SARDH: variants seen among roughly 807,000 people sequenced by gnomAD.
SARDH encodes sarcosine dehydrogenase, mitochondrial.
A neutral mutation model predicts 109.1 loss-of-function variants in SARDH; 95 were observed. The observed-to-expected ratio is 0.87, with a 90% CI of 0.74 to 1.03. The LOEUF is 1.03. SARDH is among the 50% of genes least tolerant of loss of function. The pLI is 0.00. For synonymous variants in SARDH, 572 were observed against 534.8 expected, an observed-to-expected ratio of 1.07 and a Z score of -0.96; for missense variants, 1,267 against 1,287.8, an observed-to-expected ratio of 0.98 and a Z score of 0.25.
chr9:133,662,978 G>A (rs944872556), downstream of SARDH, among the ~76,000 whole-genome samples: 14 of 152,212 alleles, frequency 9.2e-5, no homozygotes, highest in Non-Finnish European at 1.9e-4. This position sits in a 1 kb window ranked among gnomAD's most constrained non-coding sequence, Gnocchi z 5.1. Context: ...GGTGGGCAGA[G>A]GAGCCACCCC....
chr9:133,712,683 G>T lies in SARDH; in HGVS notation c.1264C>A (p.Gln422Lys). The T allele has an allele frequency of 6.2e-7, 1 of 1,609,998 alleles. No homozygotes were observed. The change falls in exon 10 of 21, where the codon CAG becomes AAG. Residue 422 changes from glutamine to lysine, a missense_variant. By Grantham distance (53) the Gln-to-Lys change is moderately conservative. Transcript: ENST00000439388. The surrounding 1 kb of genome is among the most constrained non-coding windows in gnomAD (Gnocchi z 4.1). The stretch of plus-strand genomic sequence containing the variant: ...TGGATGATCCAGTGGGCCAGCTCCT[G>T]CCCACAGCCACCACCCAGCATCATT... The part of the protein sequence containing the change: ...AGMMLGGGCG[Q>K]ELAHWIIHGR...
At chr9:133,706,815 A>G (rs1831711209) in intron 11 of SARDH, among the ~76,000 whole-genome samples, 1 of 152,134 alleles carries the variant, frequency 6.6e-6, no homozygotes, top group African/African-American at 2.4e-5. Flanking sequence ...ATCTGGTTCC[A>G]GATGGCCCGC....
At position 133,674,812 on chromosome 9, in the gene SARDH, A is replaced by G. The variant is rs183049798; in HGVS notation, c.2164-3115T>C. Among the ~76,000 whole-genome samples, 449 of 152,350 alleles carry G rather than the reference A, an allele frequency of 2.9e-3. 4 individuals carry two copies. The highest frequency in any genetic ancestry group is 9.9e-3 in the African/African-American group (412 of 41,578). On this transcript the variant is annotated intron_variant, in intron 17 of 20. Coordinates refer to ENST00000439388, the MANE Select transcript of SARDH (RefSeq NM_001134707.2). ...TGGAAGAAGGCATGGGGAGTTGGAAATGGCAAGGGTTTCCTGGAGAGGACA... is the reference window on the plus strand; with the variant it reads ...TGGAAGAAGGCATGGGGAGTTGGAAGTGGCAAGGGTTTCCTGGAGAGGACA...
chr9:133,684,103 A>G (rs1205652128), intron 17 of SARDH, among the ~76,000 whole-genome samples: 3 of 152,246 alleles, frequency 2.0e-5, no homozygotes, highest in Non-Finnish European at 4.4e-5. Context: ...TACATGGCTT[A>G]CAGCCCTGCA....
chr9:133,685,510 G>T (rs185621663), intron 16 of SARDH, among the ~76,000 whole-genome samples: 36 of 152,332 alleles, frequency 2.4e-4, no homozygotes, highest in Admixed American at 7.8e-4. Context: ...AGGACCCCTG[G>T]GGGAGGCCAG....
At chr9:133,660,114 T>C (rs138709187), downstream of SARDH, among the ~76,000 whole-genome samples, 22 of 144,254 alleles carry the variant, frequency 1.5e-4, no homozygotes, top group Admixed American at 5.5e-4. Flanking sequence ...CTCTTCCTCT[T>C]GCAGAGACAG....
rs1373991112 is a variant in SARDH, at chr9:133,694,386, A to G, written c.1808-15T>C. ...CACGGTGGAGCCTGCGAGAGGGAGA[A>G]GGAAGCCGGGTCTGTGCTGAGGCCC... On this transcript the variant is annotated splice_polypyrimidine_tract_variant and intron_variant, in intron 14 of 20. Transcript: ENST00000439388. The G allele has an allele frequency of 1.3e-6, 2 of 1,546,392 alleles. No homozygotes were observed. The highest frequency in any genetic ancestry group is 4.9e-5 in the East Asian group (2 of 40,888).
chr9:133,716,091 C>T (rs1181701520), intron 8 of SARDH, among the ~76,000 whole-genome samples: 2 of 152,200 alleles, frequency 1.3e-5, no homozygotes, highest in African/African-American at 4.8e-5. Flanking sequence ...CACGTATCCG[C>T]GGCAGGCCCA....
At chr9:133,713,254 G>A (rs1249880052) in intron 8 of SARDH, 130 bp from the exon 9 acceptor site, 4 of 714,912 alleles carry the variant, frequency 5.6e-6, no homozygotes, top group East Asian at 2.7e-5. Flanking sequence ...CCCTCCTCTA[G>A]GCCCTGCTCA....
chr9:133,718,911 C>A lies in SARDH; in HGVS notation c.1020+27G>T. ...CTGAGATGCAGCCCCAACTCCCTCC[C>A]ATTATCCCAGGGCCCTGGCATCTTA... On this transcript the variant is annotated intron_variant, in intron 7 of 20. Coordinates refer to ENST00000439388, the MANE Select transcript of SARDH (RefSeq NM_001134707.2). The surrounding 1 kb of genome is among the most constrained non-coding windows in gnomAD (Gnocchi z 4.2). The A allele has an allele frequency of 6.5e-7, 1 of 1,545,790 alleles. No homozygotes were observed. The highest frequency in any genetic ancestry group is 1.1e-5 in the South Asian group (1 of 89,472).
intron 6 of SARDH, among the ~76,000 whole-genome samples, chr9:133,726,725 C>G (rs114988047): frequency 2.0e-3 from 312 of 152,334 alleles, no homozygotes; most frequent in African/African-American, 7.2e-3. Context: ...TCAGCCCATG[C>G]CTTCCATCTG....
At position 133,709,079 on chromosome 9, in the gene SARDH, G is replaced by A. The variant is rs1377362414; in HGVS notation, c.1329-651C>T. Among the ~76,000 whole-genome samples the A allele has an allele frequency of 6.6e-6, 1 of 152,178 alleles. No individual in the cohort carries two copies. Among genetic ancestry groups the A allele is most frequent in the East Asian group, 1.9e-4 (1 of 5,190 alleles). On this transcript the variant is annotated intron_variant, in intron 10 of 20. Coordinates refer to ENST00000439388, the MANE Select transcript of SARDH (RefSeq NM_001134707.2). The surrounding 1 kb of genome is among the most constrained non-coding windows in gnomAD (Gnocchi z 4.2). ...AAAATCCCAGCTGTGTCTGGGGAGC[G>A]GCTGCCCAATCCAGCGCCTGGGACC...
In SARDH at chr9:133,712,760, C is replaced by A; in HGVS notation, c.1238-51G>T. On this transcript the variant is annotated intron_variant, in intron 9 of 20. Transcript: ENST00000439388. This position sits in a 1 kb window ranked among gnomAD's most constrained non-coding sequence, Gnocchi z 4.1. ...GCGGTCTGCCCCCCAGGGTCCCCCA[C>A]CCATGTCCAAACATGTGCCCCCATC... 1 of 1,551,044 alleles carries A rather than the reference C, an allele frequency of 6.4e-7. No individual in the cohort carries two copies.
Position 133,730,060 on chromosome 9 carries a change from G to A in SARDH, c.814+4C>T, listed in dbSNP as rs750007602. The A allele has an allele frequency of 1.1e-5, 17 of 1,613,924 alleles. No homozygotes were observed. The highest frequency in any genetic ancestry group is 3.3e-5 in the Admixed American group (2 of 59,996). On this transcript the variant is annotated splice_donor_region_variant and intron_variant, in intron 5 of 20. Coordinates refer to ENST00000439388, the MANE Select transcript of SARDH (RefSeq NM_001134707.2). ...ACAGGAGTCAGGAGAAATGCCACTC[G>A]CACCTGCACAGTTGACCACGCAGGG...
chr9:133,660,756 CTCATGCCCA>C (rs1832402435), downstream of SARDH, among the ~76,000 whole-genome samples: 1 of 152,292 alleles, frequency 6.6e-6, no homozygotes, highest in Non-Finnish European at 1.5e-5. Flanking sequence ...GTGAGGAATG[CTCATGCCCA>C]TCAGTGTTGA....
chr9:133,670,589 C>T lies in SARDH; in HGVS notation c.2490G>A (p.Met830Ile). 1.3e-6 allele frequency: 2 copies of T among 1,572,738 alleles called. No individual in the cohort carries two copies. The highest frequency in any genetic ancestry group is 1.7e-4 in the Middle Eastern group (1 of 6,012). The change falls in exon 19 of 21, where the codon ATG becomes ATA. Residue 830 changes from methionine to isoleucine, a missense_variant. Coordinates refer to ENST00000439388, the MANE Select transcript of SARDH (RefSeq NM_001134707.2). ...GLRRRLVCFT[M>I]EDKVPMFGLE... Reference sequence around the variant, plus strand: ...TGGAACAGCGGGATACTCACTCCTCCATGGTGAAGCACACCAGGCGCCGGC... The same window carrying T: ...TGGAACAGCGGGATACTCACTCCTCTATGGTGAAGCACACCAGGCGCCGGC...
rs1036482484 is a variant in SARDH at position 133,712,552 on chromosome 9, C to T, written c.1328+67G>A. ...GCAAGGCTCCTTTCTCAGTAGCCCT[C>T]GCTGTTTACCCCACGCCACCTGTCC... On this transcript the variant is annotated intron_variant, in intron 10 of 20. Transcript: ENST00000439388. The surrounding 1 kb of genome is among the most constrained non-coding windows in gnomAD (Gnocchi z 4.1). 32 of 1,408,452 alleles carry T rather than the reference C, an allele frequency of 2.3e-5. No homozygotes were observed. Among genetic ancestry groups the T allele is most frequent in the African/African-American group, 2.8e-5 (2 of 70,998 alleles). The allele number at this position is 1,408,452 out of a possible 1,614,324, so 87.2% of individuals were successfully genotyped here. A position where few individuals can be genotyped will look rare whatever the true frequency, so the allele number is the denominator to read the frequency against.
chr9:133,731,198 C>T (rs956752711), intron 4 of SARDH, 107 bp downstream of exon 4: 1 of 1,427,276 alleles, frequency 7.0e-7, no homozygotes, highest in Non-Finnish European at 9.5e-7. Flanking sequence ...CAAAGTCACA[C>T]AGCAGTCAGA....
chr9:133,732,084 T>A (rs187398368), intron 3 of SARDH, among the ~76,000 whole-genome samples: 2 of 152,266 alleles, frequency 1.3e-5, no homozygotes, highest in African/African-American at 2.4e-5. Context: ...TTTCTCCAGG[T>A]GGCACAGCCA....
Sources: allele counts gnomAD v4.1 joint callset (sites outside exome capture counted in the v4.1 genomes callset), GRCh38; gene constraint gnomAD v4.1.1; non-coding constraint Gnocchi (gnomAD v3.1); transcripts MANE v1.5; gene names NCBI Gene and HGNC (gene_info 2026-07-23, HGNC 2026-07-21).